The following TTBK1 variants were observed in gnomAD, a reference collection of about 807,000 sequenced individuals.
The protein encoded by TTBK1 is tau-tubulin kinase 1.
Under a neutral mutation model 108.5 loss-of-function variants are expected in TTBK1, and 34 were observed. The ratio of observed to expected loss-of-function variants is 0.31; its 90% CI spans 0.24 to 0.42. The LOEUF is 0.42. Ranked by LOEUF, TTBK1 falls within the 10% of genes least tolerant of loss-of-function variation. The pLI, the probability that TTBK1 is intolerant of heterozygous loss-of-function variation, is 1.00. For missense variants in TTBK1, 1,539 were observed against 1,826.0 expected, an observed-to-expected ratio of 0.84 and a Z score of 2.86; for synonymous variants, 809 against 795.1, an observed-to-expected ratio of 1.02 and a Z score of -0.29.
chr6:43,277,807 G>C (rs961927556), intron 13 of TTBK1, among the ~76,000 whole-genome samples: 1 of 152,210 alleles, frequency 6.6e-6, no homozygotes, highest in African/African-American at 2.4e-5. Context: ...AGCTGACAGA[G>C]GTGATGCAGG....
chr6:43,267,226 G>A (rs369219680), intron 13 of TTBK1, among the ~76,000 whole-genome samples: 2 of 152,200 alleles, frequency 1.3e-5, no homozygotes, highest in East Asian at 1.9e-4. Flanking sequence ...GGGTAGAGGA[G>A]CAGGGAGAAA....
intron 13 of TTBK1, among the ~76,000 whole-genome samples, chr6:43,268,721 G>A (rs955451262): frequency 1.3e-5 from 2 of 152,214 alleles, no homozygotes; most frequent in South Asian, 4.1e-4. Context: ...AGGCGATGAG[G>A]CAGCAGTTCT....
At chr6:43,264,885 A>G (rs1582497205) in intron 13 of TTBK1, among the ~76,000 whole-genome samples, 1 of 152,178 alleles carries the variant, frequency 6.6e-6, no homozygotes, top group South Asian at 2.1e-4. Flanking sequence ...TCTGGCTGCA[A>G]TGGCAACTCC....
chr6:43,281,753 T>G (rs999461291), intron 13 of TTBK1, among the ~76,000 whole-genome samples: 1 of 152,180 alleles, frequency 6.6e-6, no homozygotes, highest in Admixed American at 6.5e-5. Context: ...GCTAGCAAAG[T>G]GCTGGACATC....
In TTBK1 at chr6:43,255,532, C is replaced by T; in HGVS notation, c.643-20C>T. On this transcript the variant is annotated intron_variant, in intron 7 of 14. Coordinates refer to ENST00000259750, the MANE Select transcript of TTBK1 (RefSeq NM_032538.3). ...GGAAGGACCTGAGAGCTGCAGGTGACTCCCTCCCCCCACCTCCAGGAGATG... is the reference window on the plus strand; with the variant it reads ...GGAAGGACCTGAGAGCTGCAGGTGATTCCCTCCCCCCACCTCCAGGAGATG... 1 of 1,577,330 alleles carries T rather than the reference C, an allele frequency of 6.3e-7. No homozygotes were observed. Among genetic ancestry groups the T allele is most frequent in the Non-Finnish European group, 8.6e-7 (1 of 1,160,728 alleles).
intron 2 of TTBK1, among the ~76,000 whole-genome samples, chr6:43,251,567 C>G (rs900934536): frequency 1.3e-5 from 2 of 152,228 alleles, no homozygotes; most frequent in African/African-American, 4.8e-5. Context: ...CTCCAGGACC[C>G]CCGGGCCTCT....
intron 9 of TTBK1, among the ~76,000 whole-genome samples, chr6:43,256,742 C>A (rs1269055863): frequency 6.9e-6 from 1 of 144,628 alleles, no homozygotes; most frequent in African/African-American, 2.6e-5. Flanking sequence ...CCATCTCAAA[C>A]AAACAAATAA....
intron 13 of TTBK1, among the ~76,000 whole-genome samples, chr6:43,267,167 G>A (rs1048430525): frequency 6.6e-6 from 1 of 152,092 alleles, no homozygotes; most frequent in Non-Finnish European, 1.5e-5. Context: ...AACATGTTTC[G>A]CCAAGTACTT....
intron 13 of TTBK1, among the ~76,000 whole-genome samples, chr6:43,280,419 T>C (rs765463209): frequency 6.6e-6 from 1 of 152,202 alleles, no homozygotes; most frequent in Admixed American, 6.5e-5. Context: ...AGAGCTAACA[T>C]TTATTGAGCA....
rs1273244575 is a variant in TTBK1, at chr6:43,259,010, G to C, written c.1017-28G>C. 2 of 1,572,142 alleles carry C rather than the reference G, an allele frequency of 1.3e-6. No individual in the cohort carries two copies. The highest frequency in any genetic ancestry group is 2.3e-5 in the South Asian group (2 of 86,270). ...AGGAGAGGGCACCCCTGCCAGCCTT[G>C]CCCATGGCTCCCTCCTGCCCTCTCC... On this transcript the variant is annotated intron_variant, in intron 10 of 14. Transcript: ENST00000259750. The surrounding 1 kb of genome is among the most constrained non-coding windows in gnomAD (Gnocchi z 6.7).
Position 43,257,597 on chromosome 6 carries a change from G to A in TTBK1, c.862-215G>A, listed in dbSNP as rs1184841681. On this transcript the variant is annotated intron_variant, in intron 9 of 14. Transcript: ENST00000259750. This position sits in a 1 kb window ranked among gnomAD's most constrained non-coding sequence, Gnocchi z 4.5. ...AGAGGGTTCATGTCCAGTCAGTGGG[G>A]CTTAATCCAAGATGATAATTTGCAT... 1.3e-5 allele frequency among the ~76,000 whole-genome samples: 2 copies of A among 152,118 alleles called. No individual in the cohort carries two copies. The highest frequency in any genetic ancestry group is 6.5e-5 in the Admixed American group (1 of 15,278).
chr6:43,266,782 G>A (rs961824279), intron 13 of TTBK1, among the ~76,000 whole-genome samples: 1 of 151,840 alleles, frequency 6.6e-6, no homozygotes, highest in Non-Finnish European at 1.5e-5. Flanking sequence ...ACCACACCCG[G>A]CTAATTTTGT....
At position 43,265,633 on chromosome 6, in the gene TTBK1, C is replaced by T. The variant is rs529529074; in HGVS notation, c.1986+2283C>T. The stretch of plus-strand genomic sequence containing the variant: ...GTGTTTGGGGTCCTTGCTCCGCTCC[C>T]GTTTATTCATCCACACTCACTGAGT... On this transcript the variant is annotated intron_variant, in intron 13 of 14. Transcript: ENST00000259750. The surrounding 1 kb of genome is among the most constrained non-coding windows in gnomAD (Gnocchi z 4.1). Among the ~76,000 whole-genome samples the T allele has an allele frequency of 6.6e-6, 1 of 152,286 alleles. No homozygotes were observed. The highest frequency in any genetic ancestry group is 2.1e-4 in the South Asian group (1 of 4,828).
chr6:43,272,276 C>T, intron 13 of TTBK1: 1 of 985,494 alleles, frequency 1.0e-6, no homozygotes, highest in African/African-American at 1.7e-5. Flanking sequence ...GGTTCCACTA[C>T]TCAACCCTGA....
In TTBK1 at chr6:43,253,543, A is replaced by AC. The variant is rs767560689; in HGVS notation, c.331-19dup. ...TGGGATGATGGCTGAGGGTGAGTCT[A>AC]CCCCCCACCTCCACCCCCATGCAGG... On this transcript the variant is annotated intron_variant, in intron 4 of 14. Transcript: ENST00000259750. The surrounding 1 kb of genome is among the most constrained non-coding windows in gnomAD (Gnocchi z 5.8). 1.9e-6 allele frequency: 3 copies of AC among 1,589,610 alleles called. No homozygotes were observed. Among genetic ancestry groups the AC allele is most frequent in the East Asian group, 2.3e-5 (1 of 44,372 alleles).
At chr6:43,256,001 T>A (rs1366135098) in intron 9 of TTBK1, 145 bp downstream of exon 9, 1 of 957,916 alleles carries the variant, frequency 1.0e-6, no homozygotes, top group Non-Finnish European at 1.6e-6. Context: ...ACTAAAGGCA[T>A]GTATGCTCTT....
chr6:43,246,121 T>C (rs991828435), intron 1 of TTBK1, among the ~76,000 whole-genome samples: 1 of 152,208 alleles, frequency 6.6e-6, no homozygotes, highest in African/African-American at 2.4e-5. Context: ...CCAGGGCTGA[T>C]TAGCAGGTCA....
Position 43,283,589 on chromosome 6 carries a change from G to C in TTBK1, c.2849G>C (p.Arg950Pro). The C allele has an allele frequency of 6.2e-7, 1 of 1,614,164 alleles. No homozygotes were observed. Among genetic ancestry groups the C allele is most frequent in the Non-Finnish European group, 8.5e-7 (1 of 1,180,002 alleles). Residue 950 changes from arginine to proline, a missense_variant, in exon 14 of 15, where the codon CGG becomes CCG. Arg to Pro is a moderately radical substitution (Grantham distance 103, BLOSUM62 -2). This residue lies in a region of TTBK1 where 1,055 missense variants were observed against 1,086.5 expected (regional missense o/e 0.97). Coordinates refer to ENST00000259750, the MANE Select transcript of TTBK1 (RefSeq NM_032538.3). The surrounding 1 kb of genome is among the most constrained non-coding windows in gnomAD (Gnocchi z 8.1). ...NVMSSGGQAL[R>P]SEEFSAGGEL... ...ATGTCTTCCGGTGGACAAGCCTTGC[G>C]GTCTGAGGAGTTCAGCGCTGGGGGC... is the stretch of plus-strand genomic sequence containing the variant.
Position 43,263,407 on chromosome 6 carries a change from T to C in TTBK1, c.1986+57T>C. On this transcript the variant is annotated intron_variant, in intron 13 of 14. Coordinates refer to ENST00000259750, the MANE Select transcript of TTBK1 (RefSeq NM_032538.3). The surrounding 1 kb of genome is among the most constrained non-coding windows in gnomAD (Gnocchi z 4.7). ...TCCAGATGCCCAGAGTCCTGGTGTG[T>C]AGGCCTGGGGTGCTCCATGTGTGCT... 1 of 1,425,904 alleles carries C rather than the reference T, an allele frequency of 7.0e-7. No homozygotes were observed. The allele number at this position is 1,425,904 out of a possible 1,614,324, so 88.3% of individuals were successfully genotyped here.
Sources: gnomAD v4.1 joint callset for allele counts (sites outside exome capture counted in the v4.1 genomes callset) on GRCh38, gnomAD v4.1.1 for gene constraint, gnomAD v4.1.1 regional missense constraint, Gnocchi (gnomAD v3.1) non-coding constraint, MANE v1.5 for transcripts, NCBI Gene and HGNC (gene_info 2026-07-23, HGNC 2026-07-21) for gene names.